ARMC3: variants seen among roughly 807,000 people sequenced by gnomAD.
The protein encoded by ARMC3 is armadillo repeat-containing protein 3.
ARMC3 carries 74 observed loss-of-function variants against 90.3 expected under a neutral mutation model. The observed-to-expected ratio is 0.82, with a 90% CI of 0.68 to 0.99. The LOEUF (loss-of-function observed/expected upper bound fraction) is 0.99, where lower values mean the gene tolerates loss of function less well. Ranked by LOEUF, ARMC3 falls within the 50% of genes least tolerant of loss-of-function variation. ARMC3 has a pLI of 0.00. For synonymous variants in ARMC3, 334 were observed against 361.8 expected (o/e 0.92, Z 0.87); for missense variants, 958 against 1,042.8 (o/e 0.92, Z 1.12).
chr10:23,018,345 T>G (rs963043126), intron 16 of ARMC3, among the ~76,000 whole-genome samples: 5 of 152,086 alleles, frequency 3.3e-5, no homozygotes, highest in African/African-American at 1.2e-4. Context: ...CCTGGAAACT[T>G]AGGTTCTCAT....
At position 22,931,994 on chromosome 10, in the gene ARMC3, A is replaced by G; in HGVS notation, c.-1-2A>G. On this transcript the variant is annotated splice_acceptor_variant, in intron 1 of 18. Transcript: ENST00000298032. LOFTEE classifies it low-confidence loss of function (5UTR_SPLICE). ...TTAACCATATATTGCATCTTTTTCC[A>G]GGATGGGTAAAAAGATAAAGAAGGA... 1 of 1,605,234 alleles carries G rather than the reference A, an allele frequency of 6.2e-7. No individual in the cohort carries two copies. Among genetic ancestry groups the G allele is most frequent in the Admixed American group, 1.7e-5 (1 of 57,604 alleles).
chr10:23,011,477 CTAT>C (rs1838011031), intron 16 of ARMC3, among the ~76,000 whole-genome samples: 1 of 152,184 alleles, frequency 6.6e-6, no homozygotes, highest in Admixed American at 6.5e-5. Context: ...GTTTCTGTTG[CTAT>C]TATTATTGTT....
chr10:23,014,728 C>A, intron 16 of ARMC3, among the ~76,000 whole-genome samples: 1 of 151,918 alleles, frequency 6.6e-6, no homozygotes, highest in East Asian at 1.9e-4. Flanking sequence ...TATGTTCTCA[C>A]TTATAAGTGG....
intron 18 of ARMC3, among the ~76,000 whole-genome samples, chr10:23,036,808 C>CTT (rs1216380865): frequency 2.6e-5 from 4 of 152,212 alleles, no homozygotes. Context: ...AGCCCTAGGA[C>CTT]CAGGCACCCA....
intron 1 of ARMC3, among the ~76,000 whole-genome samples, chr10:22,929,434 T>C (rs1833847418): frequency 6.6e-6 from 1 of 152,228 alleles, no homozygotes; most frequent in African/African-American, 2.4e-5. Flanking sequence ...TTCTCCACAG[T>C]GAAATGTATT....
chr10:23,035,400 G>A (rs1839090947), intron 18 of ARMC3, among the ~76,000 whole-genome samples: 3 of 152,052 alleles, frequency 2.0e-5, no homozygotes, highest in Admixed American at 1.3e-4. Context: ...AGCTCATTAT[G>A]CCAAACAGAA....
At position 23,037,381 on chromosome 10, in the gene ARMC3, C is replaced by T; in HGVS notation, c.2521C>T (p.Leu841Phe). The T allele has an allele frequency of 1.9e-6, 3 of 1,613,962 alleles. No homozygotes were observed. The highest frequency in any genetic ancestry group is 2.5e-6 in the Non-Finnish European group (3 of 1,179,916). ...CTCTCGGAAGGGAGTGATTGGGGGC[C>T]TCCCCGCTCCTGAGATGTACGTGAT... ...NDSRKGVIGG[L>F]PAPEMYVIDL... Residue 841 changes from leucine (L) to phenylalanine (F), a missense_variant, in exon 19 of 19, where the codon CTC becomes TTC. Leu to Phe is a conservative substitution (Grantham distance 22). Coordinates refer to ENST00000298032, the MANE Select transcript of ARMC3 (RefSeq NM_173081.5).
intron 2 of ARMC3, among the ~76,000 whole-genome samples, chr10:22,933,263 A>AC (rs1306225342): frequency 4.7e-5 from 7 of 148,136 alleles, no homozygotes; most frequent in African/African-American, 1.7e-4. Context: ...AGATTCTCTT[A>AC]TTTTTTTTTT....
At chr10:22,952,591 A>C (rs1834776563) in intron 3 of ARMC3, among the ~76,000 whole-genome samples, 1 of 151,482 alleles carries the variant, frequency 6.6e-6, no homozygotes, top group African/African-American at 2.5e-5. Context: ...GAATTCTACC[A>C]AACCTTTAAG....
Position 22,981,321 on chromosome 10 carries a change from TCC to T in ARMC3, c.917-17_917-16del. 6.4e-7 allele frequency: 1 copy of T among 1,570,858 alleles called. No individual in the cohort carries two copies. The highest frequency in any genetic ancestry group is 8.6e-7 in the Non-Finnish European group (1 of 1,162,884). On this transcript the variant is annotated splice_polypyrimidine_tract_variant and intron_variant, in intron 8 of 18. Coordinates refer to ENST00000298032, the MANE Select transcript of ARMC3 (RefSeq NM_173081.5). ...TTTGCATTAAAATTCTGAATTTTTT[TCC>T]CTTTGGTGTATGAAAGCTGAAAATA...
intron 4 of ARMC3, 45 bp downstream of exon 4, chr10:22,955,977 G>T: frequency 1.4e-6 from 2 of 1,480,062 alleles, no homozygotes; most frequent in Non-Finnish European, 9.2e-7. Flanking sequence ...CCATGTTAAT[G>T]CATTATCATT....
intron 1 of ARMC3, among the ~76,000 whole-genome samples, chr10:22,930,060 T>C (rs1180549187): frequency 6.6e-6 from 1 of 152,234 alleles, no homozygotes; most frequent in Non-Finnish European, 1.5e-5. Context: ...CTGAATATTA[T>C]TCATAAGCAA....
At chr10:22,931,963 G>A in intron 1 of ARMC3, 33 bp from the exon 2 acceptor site, 1 of 1,567,420 alleles carries the variant, frequency 6.4e-7, no homozygotes, top group Non-Finnish European at 8.7e-7. Context: ...ATGTGCAAAT[G>A]TCACTTTAAC....
intron 8 of ARMC3, among the ~76,000 whole-genome samples, chr10:22,978,892 G>T (rs1207490857): frequency 6.6e-6 from 1 of 152,114 alleles, no homozygotes; most frequent in Non-Finnish European, 1.5e-5. Context: ...CATTGTCATT[G>T]TATGTCAGAA....
intron 6 of ARMC3, 95 bp downstream of exon 6, chr10:22,959,669 T>C (rs2131251591): frequency 1.6e-6 from 2 of 1,229,058 alleles, no homozygotes; most frequent in Non-Finnish European, 2.2e-6. Context: ...AATGCACCAG[T>C]TTTGCATCAT....
chr10:22,971,757 T>C (rs1378448192), intron 8 of ARMC3, among the ~76,000 whole-genome samples: 1 of 152,166 alleles, frequency 6.6e-6, no homozygotes, highest in Non-Finnish European at 1.5e-5. Context: ...TTTAATTTTT[T>C]TGAGAAACTG....
chr10:22,985,046 ATTTTTTTTTTTTT>A (rs535085393), intron 10 of ARMC3, among the ~76,000 whole-genome samples: 1 of 83,570 alleles, frequency 1.2e-5, no homozygotes, highest in East Asian at 3.8e-4. Flanking sequence ...TTAATTTTTC[ATTTTTTTTTTTTT>A]TTTTTTTTTT....
intron 16 of ARMC3, among the ~76,000 whole-genome samples, chr10:23,020,945 C>T (rs899962044): frequency 6.6e-6 from 1 of 152,130 alleles, no homozygotes; most frequent in Non-Finnish European, 1.5e-5. Context: ...TTCAACCCTT[C>T]CCCACCTCTC....
At chr10:23,011,567 A>G (rs1482410505) in intron 16 of ARMC3, among the ~76,000 whole-genome samples, 1 of 152,216 alleles carries the variant, frequency 6.6e-6, no homozygotes, top group Non-Finnish European at 1.5e-5. Context: ...AGGGATGCAG[A>G]GGGTCCTCAA....
Sources: gnomAD v4.1 joint callset for allele counts (sites outside exome capture counted in the v4.1 genomes callset) on GRCh38, gnomAD v4.1.1 for gene constraint, MANE v1.5 for transcripts, NCBI Gene and HGNC (gene_info 2026-07-23, HGNC 2026-07-21) for gene names.